PCCA: variants seen among roughly 807,000 people sequenced by gnomAD.
PCCA encodes propionyl-CoA carboxylase alpha chain, mitochondrial.
Under a neutral mutation model 101.3 loss-of-function variants are expected in PCCA, and 74 were observed. The ratio of observed to expected loss-of-function variants is 0.73; its 90% CI spans 0.61 to 0.89. The LOEUF (loss-of-function observed/expected upper bound fraction) is 0.89, where lower values mean the gene tolerates loss of function less well. PCCA is among the 40% of genes least tolerant of loss of function. The pLI, the probability that PCCA is intolerant of heterozygous loss-of-function variation, is 0.00. For missense variants in PCCA, 891 were observed against 907.0 expected (o/e 0.98, Z 0.23); for synonymous variants, 294 against 313.6 (o/e 0.94, Z 0.66).
intron 4 of PCCA, among the ~76,000 whole-genome samples, chr13:100,140,148 C>T (rs968969551): frequency 6.6e-6 from 1 of 152,080 alleles, no homozygotes; most frequent in African/African-American, 2.4e-5. Flanking sequence ...TTCTTTAGGC[C>T]TTCACTTTTC....
chr13:100,248,331 A>G (rs563515010), intron 8 of PCCA, among the ~76,000 whole-genome samples: 12 of 151,692 alleles, frequency 7.9e-5, no homozygotes, highest in African/African-American at 2.9e-4. Flanking sequence ...TTCTTATTTT[A>G]TGTCCCCTTC....
chr13:100,186,238 A>G (rs996436116), intron 6 of PCCA, among the ~76,000 whole-genome samples: 2 of 152,218 alleles, frequency 1.3e-5, no homozygotes, highest in Non-Finnish European at 2.9e-5. Flanking sequence ...TAGTTAGACA[A>G]AAATGGACTA....
intron 6 of PCCA, among the ~76,000 whole-genome samples, chr13:100,162,954 CAG>C (rs1253975493): frequency 6.6e-6 from 1 of 152,152 alleles, no homozygotes; most frequent in Non-Finnish European, 1.5e-5. Context: ...CTTATTATGA[CAG>C]AATATCTTTT....
At chr13:100,250,926 C>G (rs2061709710) in intron 8 of PCCA, among the ~76,000 whole-genome samples, 1 of 152,094 alleles carries the variant, frequency 6.6e-6, no homozygotes. Flanking sequence ...TTCATAATTT[C>G]TATTTCATTA....
At chr13:100,334,656 G>A (rs2070159803) in intron 17 of PCCA, among the ~76,000 whole-genome samples, 8 of 152,158 alleles carry the variant, frequency 5.3e-5, no homozygotes, top group Admixed American at 5.2e-4. Flanking sequence ...CAATGTGGAA[G>A]GTAGGATGGT....
chr13:100,439,290 A>G (rs1336804342), intron 20 of PCCA, among the ~76,000 whole-genome samples: 1 of 152,214 alleles, frequency 6.6e-6, no homozygotes, highest in Non-Finnish European at 1.5e-5. Flanking sequence ...ACAGAAGATG[A>G]ATTTATCATC....
At position 100,347,061 on chromosome 13, in the gene PCCA, G is replaced by C. The variant is rs546667067; in HGVS notation, c.1643+6802G>C. On this transcript the variant is annotated intron_variant, in intron 18 of 23. Coordinates refer to ENST00000376285, the MANE Select transcript of PCCA (RefSeq NM_000282.4). ...ACTAATTTTTTTGTATTTTTTAGTAGAGACGGGGTTTCACCGTGTTAGCCA... is the reference window on the plus strand; with the variant it reads ...ACTAATTTTTTTGTATTTTTTAGTACAGACGGGGTTTCACCGTGTTAGCCA... 5.3e-5 allele frequency among the ~76,000 whole-genome samples: 8 copies of C among 152,222 alleles called. No individual in the cohort carries two copies. The South Asian group carries it at 6.2e-4, about 12-fold the overall frequency.
chr13:100,149,931 AG>A (rs2053084778), intron 4 of PCCA, among the ~76,000 whole-genome samples: 1 of 152,220 alleles, frequency 6.6e-6, no homozygotes, highest in African/African-American at 2.4e-5. Context: ...TGATAAGGAC[AG>A]GGACCAAATA....
At chr13:100,208,321 C>T (rs1185006829) in intron 6 of PCCA, among the ~76,000 whole-genome samples, 4 of 152,050 alleles carry the variant, frequency 2.6e-5, no homozygotes, top group Non-Finnish European at 4.4e-5. Context: ...ACCTTTTTTC[C>T]CAAGTCAAGA....
At chr13:100,195,477 C>T (rs1004796462) in intron 6 of PCCA, among the ~76,000 whole-genome samples, 6 of 152,118 alleles carry the variant, frequency 3.9e-5, no homozygotes, top group African/African-American at 1.4e-4. Flanking sequence ...AATATTAAAG[C>T]TAGCATTTCC....
chr13:100,120,677 T>C (rs1178612691), intron 4 of PCCA, among the ~76,000 whole-genome samples: 2 of 152,120 alleles, frequency 1.3e-5, no homozygotes, highest in African/African-American at 4.8e-5. Context: ...CCAATGGGAA[T>C]TGGTCAGGGC....
chr13:100,454,894 A>G (rs2081595818), intron 21 of PCCA, among the ~76,000 whole-genome samples: 2 of 152,182 alleles, frequency 1.3e-5, no homozygotes, highest in African/African-American at 4.8e-5. Context: ...TTTAAAAAAA[A>G]TGCTTGTATT....
At chr13:100,322,255 A>T (rs1258068542) in intron 16 of PCCA, among the ~76,000 whole-genome samples, 1 of 152,168 alleles carries the variant, frequency 6.6e-6, no homozygotes. Context: ...AAGCTCAAGC[A>T]AGCAATGAGA....
At chr13:100,422,016 A>G (rs2078797524) in intron 19 of PCCA, among the ~76,000 whole-genome samples, 2 of 147,982 alleles carry the variant, frequency 1.4e-5, no homozygotes, top group Admixed American at 6.7e-5. Flanking sequence ...TAATACCTCC[A>G]TACTTTCTTT....
chr13:100,452,455 A>G (rs187844417), intron 21 of PCCA, among the ~76,000 whole-genome samples: 128 of 152,264 alleles, frequency 8.4e-4, no homozygotes, highest in African/African-American at 3.0e-3. Flanking sequence ...CCTGCTGGGC[A>G]CATGCCTTAG....
chr13:100,178,945 C>T (rs1251939609), intron 6 of PCCA, among the ~76,000 whole-genome samples: 2 of 151,594 alleles, frequency 1.3e-5, no homozygotes, highest in African/African-American at 2.4e-5. Context: ...GGCGTGGTGG[C>T]AGGCGCCTGT....
intron 4 of PCCA, among the ~76,000 whole-genome samples, chr13:100,148,080 G>A (rs1412066117): frequency 2.6e-5 from 4 of 151,924 alleles, no homozygotes; most frequent in South Asian, 2.1e-4. Flanking sequence ...CACTGCACAC[G>A]GCAGTTTTAG....
chr13:100,121,925 G>T (rs1341791404), intron 4 of PCCA, among the ~76,000 whole-genome samples: 1 of 152,120 alleles, frequency 6.6e-6, no homozygotes, highest in African/African-American at 2.4e-5. Context: ...TCCTTGTCTT[G>T]TTCTTCATCT....
chr13:100,111,752 T>C (rs2048340483), intron 2 of PCCA, 89 bp from the exon 3 acceptor site: 3 of 776,280 alleles, frequency 3.9e-6, no homozygotes, highest in South Asian at 2.9e-5. Flanking sequence ...ATATTCAGTG[T>C]TGATGTTGGA....
Sources: allele counts gnomAD v4.1 joint callset (sites outside exome capture counted in the v4.1 genomes callset), GRCh38; gene constraint gnomAD v4.1.1; transcripts MANE v1.5; gene names NCBI Gene and HGNC (gene_info 2026-07-23, HGNC 2026-07-21).